CCNF: variants seen among roughly 807,000 people sequenced by gnomAD.
CCNF encodes the protein cyclin-F.
Under a neutral mutation model 85.4 loss-of-function variants are expected in CCNF, and 30 were observed. That is an observed-to-expected ratio of 0.35 (90% CI 0.26 to 0.48). The LOEUF is 0.48. Among genes scored for constraint, CCNF ranks in the 20% least tolerant of loss-of-function variants. The pLI is 0.99. For synonymous variants in CCNF, 439 were observed against 425.1 expected (o/e 1.03, Z -0.40); for missense variants, 919 against 1,010.4 (o/e 0.91, Z 1.23).
chr16:2,453,942 G>A lies in CCNF; in HGVS notation c.1715+405G>A, dbSNP rs959490998. Among the ~76,000 whole-genome samples, 1 of 152,136 alleles carries A rather than the reference G, an allele frequency of 6.6e-6. No homozygotes were observed. The highest frequency in any genetic ancestry group is 1.5e-5 in the Non-Finnish European group (1 of 68,010). ...ATCCCCAGCACTTCCCTCGCCACCC[G>A]TGTGGACCTGTTTACCCGCCTCTCC... On this transcript the variant is annotated intron_variant, in intron 15 of 16. Coordinates refer to ENST00000397066, the MANE Select transcript of CCNF (RefSeq NM_001761.3). The surrounding 1 kb of genome is among the most constrained non-coding windows in gnomAD (Gnocchi z 5.6).
At chr16:2,445,869 A>G (rs2065359805) in intron 10 of CCNF, among the ~76,000 whole-genome samples, 1 of 152,044 alleles carries the variant, frequency 6.6e-6, no homozygotes, top group African/African-American at 2.4e-5. Flanking sequence ...CTGGGACTGC[A>G]GGCGTGCGCC....
chr16:2,431,009 A>AG, intron 1 of CCNF, 121 bp from the exon 2 acceptor site: 1 of 1,040,346 alleles, frequency 9.6e-7, no homozygotes, highest in African/African-American at 1.6e-5. Flanking sequence ...TTTGTGGCAC[A>AG]GGGAATAGTA....
At position 2,451,180 on chromosome 16, in the gene CCNF, A is replaced by C. The variant is rs1272311641; in HGVS notation, c.1487+1265A>C. ...GGCGCTGGGGGAGAGGGCAGGACAG[A>C]GAGTTCAGAGGTCAGGTCGTGACGA... On this transcript the variant is annotated intron_variant, in intron 13 of 16. Transcript: ENST00000397066. The surrounding 1 kb of genome is among the most constrained non-coding windows in gnomAD (Gnocchi z 4.3). Among the ~76,000 whole-genome samples the C allele has an allele frequency of 6.6e-6, 1 of 152,196 alleles. No homozygotes were observed. The highest frequency in any genetic ancestry group is 2.4e-5 in the African/African-American group (1 of 41,440).
Position 2,437,200 on chromosome 16 carries a change from C to A in CCNF, c.418C>A (p.Arg140=). ...KASRFFSLAE[R]LNVGAAPFIW... ...CTCTCGCTTCTTCAGTCTCGCTGAG[C>A]GGCTGAATGTGGGTGCCGCACCTTT... Residue 140 remains arginine, a synonymous_variant, in exon 5 of 17, where the codon CGG becomes AGG. Coordinates refer to ENST00000397066, the MANE Select transcript of CCNF (RefSeq NM_001761.3). 2 of 1,612,626 alleles carry A rather than the reference C, an allele frequency of 1.2e-6. No individual in the cohort carries two copies. The highest frequency in any genetic ancestry group is 1.7e-5 in the Admixed American group (1 of 59,974).
chr16:2,430,970 T>C (rs745778639), intron 1 of CCNF, 160 bp from the exon 2 acceptor site: 1 of 815,326 alleles, frequency 1.2e-6, no homozygotes, highest in South Asian at 1.3e-5. Context: ...ACATAATCTT[T>C]GTTTGGGACA....
chr16:2,430,585 C>A (rs901234843), intron 1 of CCNF, among the ~76,000 whole-genome samples: 4 of 152,154 alleles, frequency 2.6e-5, no homozygotes, highest in Non-Finnish European at 4.4e-5. Context: ...TGAGACTCTG[C>A]AGAGCTGAGA....
At chr16:2,432,523 G>C (rs1238406984) in intron 2 of CCNF, among the ~76,000 whole-genome samples, 1 of 152,154 alleles carries the variant, frequency 6.6e-6, no homozygotes. Flanking sequence ...GGTTCTACCT[G>C]AGACCTCCAT....
intron 16 of CCNF, among the ~76,000 whole-genome samples, chr16:2,455,823 T>G (rs1352160362): frequency 6.6e-6 from 1 of 152,204 alleles, no homozygotes; most frequent in Non-Finnish European, 1.5e-5. Context: ...CTCCTGCTCA[T>G]TCCGTGTTGG....
At chr16:2,444,687 C>T (rs1056024165) in intron 9 of CCNF, among the ~76,000 whole-genome samples, 4 of 152,016 alleles carry the variant, frequency 2.6e-5, no homozygotes, top group Non-Finnish European at 5.9e-5. Context: ...GCCTCCGCCT[C>T]CCAAGCTCAA....
rs1240106037 is a variant in CCNF, at chr16:2,441,977, A to C, written c.778-1672A>C. Among the ~76,000 whole-genome samples, 86 of 95,852 alleles carry C rather than the reference A, an allele frequency of 9.0e-4. 2 individuals are homozygous for C. The South Asian group carries it at 0.025, about 28-fold the overall frequency. 62.9% of individuals were successfully genotyped at this position (95,852 alleles called of 152,430 possible). ...TATATATATATATATATATATATAT[A>C]TATATGTTTTTGTTTTTGTTTTGTT... is the stretch of plus-strand genomic sequence containing the variant. On this transcript the variant is annotated intron_variant, in intron 8 of 16. Coordinates refer to ENST00000397066, the MANE Select transcript of CCNF (RefSeq NM_001761.3).
At chr16:2,445,370 G>C (rs2065355742) in intron 9 of CCNF, 88 bp from the exon 10 acceptor site, 1 of 1,422,414 alleles carries the variant, frequency 7.0e-7, no homozygotes. Context: ...CAGCTTATTT[G>C]GTCGGGCCCA....
intron 5 of CCNF, 110 bp from the exon 6 acceptor site, chr16:2,437,960 G>A: frequency 1.3e-6 from 1 of 760,092 alleles, no homozygotes. Flanking sequence ...AGGGGAGGGA[G>A]GGCCAGACAG....
intron 1 of CCNF, 75 bp from the exon 2 acceptor site, chr16:2,431,053 CTT>C: frequency 1.4e-6 from 2 of 1,413,238 alleles, no homozygotes. Flanking sequence ...AACTTTTATC[CTT>C]TTTTTTTCCC....
chr16:2,438,952 C>T (rs1339448623), intron 6 of CCNF, among the ~76,000 whole-genome samples: 1 of 149,366 alleles, frequency 6.7e-6, no homozygotes, highest in South Asian at 2.1e-4. Flanking sequence ...TAGCCAAGAT[C>T]GTGCCACTAT....
At position 2,456,759 on chromosome 16, in the gene CCNF, A is replaced by G. The variant is rs1203422697; in HGVS notation, c.2100A>G (p.Ser700=). Reference sequence around the variant, plus strand: ...AGCCAGGGAAGGACGTCACGACCTCAGGGTACTCCTCCGTCAGCACCGCAA... The same window carrying G: ...AGCCAGGGAAGGACGTCACGACCTCGGGGTACTCCTCCGTCAGCACCGCAA... ...SREPGKDVTT[S]GYSSVSTASP... The change falls in exon 17 of 17, where the codon TCA becomes TCG. Residue 700 remains serine (S), a synonymous_variant. Coordinates refer to ENST00000397066, the MANE Select transcript of CCNF (RefSeq NM_001761.3). This position sits in a 1 kb window ranked among gnomAD's most constrained non-coding sequence, Gnocchi z 4.5. 6.2e-7 allele frequency: 1 copy of G among 1,612,828 alleles called. No homozygotes were observed. Among genetic ancestry groups the G allele is most frequent in the Non-Finnish European group, 8.5e-7 (1 of 1,179,352 alleles).
Position 2,449,468 on chromosome 16 carries a change from G to C in CCNF, c.1399+6G>C. 6.3e-7 allele frequency: 1 copy of C among 1,598,078 alleles called. No individual in the cohort carries two copies. Among genetic ancestry groups the C allele is most frequent in the Non-Finnish European group, 8.5e-7 (1 of 1,176,120 alleles). ...CAGACTGACGCACGGGCAGAGTAAG[G>C]AGTGGCCCTTCCCAGGGATGCCTGT... On this transcript the variant is annotated splice_donor_region_variant and intron_variant, in intron 12 of 16. Coordinates refer to ENST00000397066, the MANE Select transcript of CCNF (RefSeq NM_001761.3).
Position 2,453,412 on chromosome 16 carries a change from G to A in CCNF, c.1590G>A (p.Val530=). ...CCCTAACTCTAGCTTCCCCTCAGGT[G>A]CTGAGCTACAGCCAGTTGTGTGCTG... ...KRYGEISQEE[V]LSYSQLCAAL... is the part of the protein sequence containing the mutation. Residue 530 remains valine, a splice_region_variant and synonymous_variant, in exon 15 of 17, where the codon GTG becomes GTA. Coordinates refer to ENST00000397066, the MANE Select transcript of CCNF (RefSeq NM_001761.3). This position sits in a 1 kb window ranked among gnomAD's most constrained non-coding sequence, Gnocchi z 5.6. The A allele has an allele frequency of 2.5e-6, 4 of 1,613,932 alleles. No homozygotes were observed. Among genetic ancestry groups the A allele is most frequent in the Non-Finnish European group, 3.4e-6 (4 of 1,179,984 alleles).
At chr16:2,430,711 GCACCTTGGT>G (rs2065258111) in intron 1 of CCNF, among the ~76,000 whole-genome samples, 1 of 152,086 alleles carries the variant, frequency 6.6e-6, no homozygotes, top group Admixed American at 6.5e-5. Flanking sequence ...TGAACATTAT[GCACCTTGGT>G]CACGTGTGCA....
chr16:2,432,969 C>A lies in CCNF; in HGVS notation c.180C>A (p.Ser60=). Residue 60 remains serine, a synonymous_variant, in exon 3 of 17, where the codon TCC becomes TCA. Coordinates refer to ENST00000397066, the MANE Select transcript of CCNF (RefSeq NM_001761.3). ...CCCCCGTTGTTCTGCAGGTACACTCCCAGCTGAAGGACCTGGTGGACAACC... is the reference window on the plus strand; with the variant it reads ...CCCCCGTTGTTCTGCAGGTACACTCACAGCTGAAGGACCTGGTGGACAACC... ...EDILAVRAVH[S]QLKDLVDNHA... is the part of the protein sequence containing the mutation. The A allele has an allele frequency of 1.9e-6, 3 of 1,603,730 alleles. No homozygotes were observed. Among genetic ancestry groups the A allele is most frequent in the Non-Finnish European group, 1.7e-6 (2 of 1,171,604 alleles).
Sources: allele counts gnomAD v4.1 joint callset (sites outside exome capture counted in the v4.1 genomes callset), GRCh38; gene constraint gnomAD v4.1.1; non-coding constraint Gnocchi (gnomAD v3.1); transcripts MANE v1.5; gene names NCBI Gene and HGNC (gene_info 2026-07-23, HGNC 2026-07-21).